Variants in CACNB2 observed in about 807,000 individuals in gnomAD.
CACNB2 encodes the protein calcium voltage-gated channel auxiliary subunit beta 2.
In CACNB2, 42 loss-of-function variants were observed where a neutral mutation model predicts 73.3. The ratio of observed to expected loss-of-function variants is 0.57; its 90% CI spans 0.45 to 0.74. The LOEUF is 0.74. Among genes scored for constraint, CACNB2 ranks in the 30% least tolerant of loss-of-function variants. The probability of loss-of-function intolerance (pLI) is 0.00; values close to 1 mark genes in which losing one functional copy is unlikely to be tolerated. For missense variants in CACNB2, 940 were observed against 853.0 expected, an observed-to-expected ratio of 1.10 and a Z score of -1.27; for synonymous variants, 348 against 310.3, an observed-to-expected ratio of 1.12 and a Z score of -1.28.
intron 2 of CACNB2, among the ~76,000 whole-genome samples, chr10:18,229,611 T>A (rs750549370): frequency 2.6e-5 from 4 of 152,326 alleles, no homozygotes; most frequent in African/African-American, 9.6e-5. Context: ...TATTAAAATA[T>A]TAACAAAATG....
At chr10:18,384,527 A>T (rs2043144938) in intron 2 of CACNB2, among the ~76,000 whole-genome samples, 1 of 152,130 alleles carries the variant, frequency 6.6e-6, no homozygotes, top group Non-Finnish European at 1.5e-5. Flanking sequence ...GGACTTCGAG[A>T]CTACCCTGGG....
At chr10:18,472,027 C>T (rs1272409636) in intron 3 of CACNB2, among the ~76,000 whole-genome samples, 1 of 152,002 alleles carries the variant, frequency 6.6e-6, no homozygotes, top group East Asian at 1.9e-4. Flanking sequence ...TTTTTCATTA[C>T]AGTCATCTCT....
At chr10:18,284,405 A>G (rs2038696844) in intron 2 of CACNB2, among the ~76,000 whole-genome samples, 1 of 152,240 alleles carries the variant, frequency 6.6e-6, no homozygotes, top group Non-Finnish European at 1.5e-5. Context: ...CAGCTAAATC[A>G]TATCACGTAG....
In CACNB2 at chr10:18,539,482, C is replaced by A; in HGVS notation, c.1741C>A (p.His581Asn). ...KEDYSHDHVD[H>N]YASHRDHNHR... ...AGATTATTCCCATGACCACGTGGACCACTATGCCTCACACCGTGACCACAA... is the reference window on the plus strand; with the variant it reads ...AGATTATTCCCATGACCACGTGGACAACTATGCCTCACACCGTGACCACAA... The change falls in exon 14 of 14, where the codon CAC becomes AAC. Residue 581 changes from histidine to asparagine, a missense_variant. By Grantham distance (68) the His-to-Asn change is moderately conservative (BLOSUM62 1). Coordinates refer to ENST00000324631, the MANE Select transcript of CACNB2 (RefSeq NM_201596.3). The A allele has an allele frequency of 6.2e-7, 1 of 1,614,006 alleles. No individual in the cohort carries two copies. Among genetic ancestry groups the A allele is most frequent in the Non-Finnish European group, 8.5e-7 (1 of 1,180,004 alleles).
chr10:18,375,919 A>G (rs961753476), intron 2 of CACNB2, among the ~76,000 whole-genome samples: 12 of 152,202 alleles, frequency 7.9e-5, no homozygotes, highest in Admixed American at 1.3e-4. Context: ...ACTAACCACT[A>G]TAGAGAACAG....
chr10:18,178,402 A>G (rs1273840909), intron 2 of CACNB2, among the ~76,000 whole-genome samples: 1 of 152,192 alleles, frequency 6.6e-6, no homozygotes, highest in Non-Finnish European at 1.5e-5. Flanking sequence ...TTGATTAAAT[A>G]TCTGAATTGT....
chr10:18,210,825 T>C (rs2035287280), intron 2 of CACNB2, among the ~76,000 whole-genome samples: 1 of 152,208 alleles, frequency 6.6e-6, no homozygotes, highest in Non-Finnish European at 1.5e-5. Flanking sequence ...GTATAATATA[T>C]TGCATGCACA....
chr10:18,391,794 G>C (rs1308050560), intron 2 of CACNB2, among the ~76,000 whole-genome samples: 2 of 151,762 alleles, frequency 1.3e-5, no homozygotes, highest in Non-Finnish European at 2.9e-5. Flanking sequence ...TGGGCATGGT[G>C]GTGCGCACCT....
chr10:18,274,972 A>G (rs1235591075), intron 2 of CACNB2, among the ~76,000 whole-genome samples: 1 of 152,200 alleles, frequency 6.6e-6, no homozygotes, highest in African/African-American at 2.4e-5. Flanking sequence ...ATCAGATTAA[A>G]GGATACTCTT....
At chr10:18,423,161 T>C (rs1441473889) in intron 3 of CACNB2, among the ~76,000 whole-genome samples, 1 of 98,638 alleles carries the variant, frequency 1.0e-5, no homozygotes, top group African/African-American at 3.8e-5. Flanking sequence ...TATGGGGTTA[T>C]GTCTTGTCTC....
chr10:18,283,421 T>A (rs577858735), intron 2 of CACNB2, among the ~76,000 whole-genome samples: 25 of 152,196 alleles, frequency 1.6e-4, no homozygotes, highest in African/African-American at 5.8e-4. Context: ...GAACCAACCC[T>A]TATGTCCACC....
intron 2 of CACNB2, among the ~76,000 whole-genome samples, chr10:18,225,580 C>CG (rs1186787427): frequency 1.8e-4 from 2 of 11,132 alleles, no homozygotes; most frequent in East Asian, 3.0e-3. Context: ...CTCCCTCGCT[C>CG]CTTCCTTCCT....
intron 1 of CACNB2, among the ~76,000 whole-genome samples, chr10:18,149,784 C>T (rs1359543324): frequency 6.6e-6 from 1 of 152,090 alleles, no homozygotes; most frequent in African/African-American, 2.4e-5. Context: ...CGCTTTAGTC[C>T]AGTTTGTTTC....
intron 3 of CACNB2, among the ~76,000 whole-genome samples, chr10:18,473,426 G>A (rs1308566286): frequency 6.6e-6 from 1 of 152,106 alleles, no homozygotes; most frequent in Non-Finnish European, 1.5e-5. Flanking sequence ...ATATTGCCAG[G>A]CCCCAAGCCC....
chr10:18,243,028 A>G (rs2036725128), intron 2 of CACNB2, among the ~76,000 whole-genome samples: 1 of 151,656 alleles, frequency 6.6e-6, no homozygotes, highest in Non-Finnish European at 1.5e-5. Context: ...AACAAAAAAA[A>G]GAAAACATGC....
intron 2 of CACNB2, among the ~76,000 whole-genome samples, chr10:18,289,281 C>CTTTTTTTTTTTTTTTT (rs1564407541): frequency 2.1e-5 from 2 of 96,942 alleles, no homozygotes; most frequent in African/African-American, 5.6e-5. Flanking sequence ...ATTTTTTTTT[C>CTTTTTTTTTTTTTTTT]TTGTTTTTTT....
chr10:18,525,990 CTGTT>C (rs2052433654), intron 9 of CACNB2, among the ~76,000 whole-genome samples: 1 of 152,150 alleles, frequency 6.6e-6, no homozygotes, highest in African/African-American at 2.4e-5. Context: ...ATTGATTTTT[CTGTT>C]TGTTTTGCTC....
At chr10:18,497,868 C>G (rs11816303) in intron 3 of CACNB2, among the ~76,000 whole-genome samples, 4 of 152,106 alleles carry the variant, frequency 2.6e-5, no homozygotes, top group East Asian at 3.9e-4. Flanking sequence ...ATGAGAGTTG[C>G]TATAGTTGTA....
chr10:18,531,567 A>G (rs777900315), intron 10 of CACNB2, among the ~76,000 whole-genome samples: 1 of 152,182 alleles, frequency 6.6e-6, no homozygotes, highest in Non-Finnish European at 1.5e-5. Context: ...TCCTATCTTT[A>G]TGTCTTTGAG....
Sources: allele counts gnomAD v4.1 joint callset (sites outside exome capture counted in the v4.1 genomes callset), GRCh38; gene constraint gnomAD v4.1.1; transcripts MANE v1.5; gene names NCBI Gene and HGNC (gene_info 2026-07-23, HGNC 2026-07-21).